Variants in LRRC55 observed in about 807,000 individuals in gnomAD.
LRRC55 encodes leucine rich repeat containing 55, also known as leucine-rich repeat-containing protein 55.
A neutral mutation model predicts 20.5 loss-of-function variants in LRRC55; 11 were observed. The ratio of observed to expected loss-of-function variants is 0.54; its 90% CI spans 0.34 to 0.89. The LOEUF is 0.89. LRRC55 is among the 40% of genes least tolerant of loss of function. The pLI, the probability that LRRC55 is intolerant of heterozygous loss-of-function variation, is 0.02. For missense variants in LRRC55, 358 were observed against 390.9 expected (o/e 0.92, Z 0.71); for synonymous variants, 188 against 166.6 (o/e 1.13, Z -0.99).
rs766587013 is a variant in LRRC55, at chr11:57,182,334, G to T, written c.312G>T (p.Leu104=). 1.9e-6 allele frequency: 3 copies of T among 1,613,912 alleles called. No individual in the cohort carries two copies. The highest frequency in any genetic ancestry group is 2.5e-6 in the Non-Finnish European group (3 of 1,179,918). The change falls in exon 1 of 2, where the codon CTG becomes CTT. Residue 104 remains leucine, a synonymous_variant. Transcript: ENST00000497933. ...TGCACAACAACTCCTTAATGGAGCT[G>T]CCCCGGGGCCTCTTCCTCCATGCCA... ...LDLHNNSLME[L]PRGLFLHAKR... is the part of the protein sequence containing the mutation.
rs989808522 is a variant in LRRC55, at chr11:57,187,806, C to G, written c.*326C>G. 4 of 421,516 alleles carry G rather than the reference C, an allele frequency of 9.5e-6. No individual in the cohort carries two copies. The highest frequency in any genetic ancestry group is 6.4e-4 in the Middle Eastern group (1 of 1,558). The allele number at this position is 421,516 out of a possible 1,614,324, so 26.1% of individuals were successfully genotyped here. ...GGAGGCCCAGAGGAGGAGCCATCAT[C>G]TGTATCTAGCAATGTCCATGAGAAT... On this transcript the variant is annotated 3_prime_UTR_variant, in exon 2 of 2. Transcript: ENST00000497933.
rs1240096389 is a variant in LRRC55, at chr11:57,191,243, G to A, written c.*3763G>A. The A allele has an allele frequency of 1.3e-5, 2 of 152,174 alleles. No individual in the cohort carries two copies. Among genetic ancestry groups the A allele is most frequent in the Non-Finnish European group, 2.9e-5 (2 of 68,030 alleles). The allele number at this position is 152,174 out of a possible 1,614,324, so 9.4% of individuals were successfully genotyped here. A position where few individuals can be genotyped will look rare whatever the true frequency, so the allele number is the denominator to read the frequency against. On this transcript the variant is annotated 3_prime_UTR_variant, in exon 2 of 2. Coordinates refer to ENST00000497933, the MANE Select transcript of LRRC55 (RefSeq NM_001005210.4). ...GCTCCTTTCGAGGAGGGACATGTATGAAATTTGAACAGATCAAGACAGGTG... is the reference window on the plus strand; with the variant it reads ...GCTCCTTTCGAGGAGGGACATGTATAAAATTTGAACAGATCAAGACAGGTG...
At chr11:57,182,828 G>A (rs1010322104) in intron 1 of LRRC55, 145 bp downstream of exon 1, 18 of 803,096 alleles carry the variant, frequency 2.2e-5, no homozygotes, top group African/African-American at 7.0e-5. Flanking sequence ...ACACCAGCTC[G>A]GCCAACAGGT....
intron 1 of LRRC55, among the ~76,000 whole-genome samples, chr11:57,184,363 C>T (rs1377903375): frequency 6.6e-6 from 1 of 152,178 alleles, no homozygotes; most frequent in Non-Finnish European, 1.5e-5. Context: ...AGACTCCCAG[C>T]GAGCAGGAGA....
In LRRC55 at chr11:57,182,186, G is replaced by T; in HGVS notation, c.164G>T (p.Arg55Leu). The T allele has an allele frequency of 6.2e-7, 1 of 1,614,140 alleles. No individual in the cohort carries two copies. The highest frequency in any genetic ancestry group is 8.5e-7 in the Non-Finnish European group (1 of 1,180,022). The change falls in exon 1 of 2, where the codon CGG becomes CTG. Residue 55 changes from arginine (R) to leucine (L), a missense_variant. By Grantham distance (102) the Arg-to-Leu change is moderately radical. This residue lies in a region of LRRC55 where 175 missense variants were observed against 164.5 expected (regional missense o/e 1.06). Coordinates refer to ENST00000497933, the MANE Select transcript of LRRC55 (RefSeq NM_001005210.4). ...CAGGTGGTGGATTGTAGCAGCCAGC[G>T]GCTATTCTCCGTGCCCCCAGACCTG... ...RNQVVDCSSQRLFSVPPDLPM... is the reference protein window; with the variant it reads ...RNQVVDCSSQLLFSVPPDLPM...
intron 1 of LRRC55, among the ~76,000 whole-genome samples, chr11:57,185,900 C>G (rs545847124): frequency 6.6e-6 from 1 of 152,068 alleles, no homozygotes; most frequent in Non-Finnish European, 1.5e-5. Flanking sequence ...AAGCAGCCCC[C>G]TCCTACAGAA....
chr11:57,184,991 CG>C (rs1854411636), intron 1 of LRRC55, among the ~76,000 whole-genome samples: 1 of 152,138 alleles, frequency 6.6e-6, no homozygotes, highest in African/African-American at 2.4e-5. Flanking sequence ...CTGGGCAGGA[CG>C]GGGGTCCTGT....
Position 57,188,926 on chromosome 11 carries a change from G to A in LRRC55, c.*1446G>A, listed in dbSNP as rs1489061886. 6.6e-6 allele frequency: 1 copy of A among 152,200 alleles called. No homozygotes were observed. The highest frequency in any genetic ancestry group is 1.5e-5 in the Non-Finnish European group (1 of 68,038). The allele number at this position is 152,200 out of a possible 1,614,324, so 9.4% of individuals were successfully genotyped here. The stretch of plus-strand genomic sequence containing the variant: ...TAGAGAGTTGAGTGACTTACCCAAG[G>A]TTGTCTGGATAAGCCCTAGAAGGAA... On this transcript the variant is annotated 3_prime_UTR_variant, in exon 2 of 2. Transcript: ENST00000497933.
chr11:57,187,508 G>A lies in LRRC55; in HGVS notation c.*28G>A. ...TGCCTGCCTCTCATCCCTCCATGCT[G>A]CTGACCGCCACAGCTGCTGGCCACC... On this transcript the variant is annotated 3_prime_UTR_variant, in exon 2 of 2. Coordinates refer to ENST00000497933, the MANE Select transcript of LRRC55 (RefSeq NM_001005210.4). 1 of 1,595,734 alleles carries A rather than the reference G, an allele frequency of 6.3e-7. No individual in the cohort carries two copies. The highest frequency in any genetic ancestry group is 8.6e-7 in the Non-Finnish European group (1 of 1,168,738).
intron 1 of LRRC55, among the ~76,000 whole-genome samples, 198 bp from the exon 2 acceptor site, chr11:57,187,047 C>T (rs894107149): frequency 2.0e-5 from 3 of 152,210 alleles, no homozygotes; most frequent in African/African-American, 4.8e-5. Flanking sequence ...CAGTACTTTC[C>T]ACATCTATAG....
chr11:57,182,667 C>A lies in LRRC55; in HGVS notation c.645C>A (p.Ile215=). The A allele has an allele frequency of 6.6e-6, 10 of 1,513,806 alleles. No individual in the cohort carries two copies. In the South Asian group the frequency reaches 1.1e-4, roughly 16 times the overall value. 93.8% of individuals were successfully genotyped at this position (1,513,806 alleles called of 1,614,324 possible). ...EPLLKWLRNR[I]QRCTADSQLA... is the part of the protein sequence containing the mutation. ...TGCTGAAGTGGCTGCGAAACCGGAT[C>A]CAGCGCTGTACAGCAGGTAATAGAG... Residue 215 remains isoleucine, a synonymous_variant, in exon 1 of 2, where the codon ATC becomes ATA. Transcript: ENST00000497933.
In LRRC55 at chr11:57,182,666, T is replaced by G; in HGVS notation, c.644T>G (p.Ile215Ser). The G allele has an allele frequency of 7.3e-6, 11 of 1,513,530 alleles. No individual in the cohort carries two copies. The highest frequency in any genetic ancestry group is 9.7e-6 in the Non-Finnish European group (11 of 1,131,332). The allele number at this position is 1,513,530 out of a possible 1,614,324, so 93.8% of individuals were successfully genotyped here. The change falls in exon 1 of 2, where the codon ATC becomes AGC. Residue 215 changes from isoleucine to serine, a missense_variant. Physicochemically the swap from Ile to Ser is moderately radical, Grantham distance 142. Transcript: ENST00000497933. ...CTGCTGAAGTGGCTGCGAAACCGGA[T>G]CCAGCGCTGTACAGCAGGTAATAGA... The part of the protein sequence containing the change: ...EPLLKWLRNR[I>S]QRCTADSQLA...
intron 1 of LRRC55, 130 bp from the exon 2 acceptor site, chr11:57,187,115 A>G: frequency 1.2e-6 from 1 of 807,242 alleles, no homozygotes; most frequent in East Asian, 2.5e-5. Flanking sequence ...GGAGTTAAGT[A>G]GAATTCTTGG....
chr11:57,187,336 G>C lies in LRRC55; in HGVS notation c.753G>C (p.Leu251=). ...AGGAGAGCTTCAAGGCCTGCCACCT[G>C]ACCCTGACCCTGGATGATTACCTAT... ...LTEESFKACH[L]TLTLDDYLFI... Residue 251 remains leucine, a synonymous_variant, in exon 2 of 2, where the codon CTG becomes CTC. Coordinates refer to ENST00000497933, the MANE Select transcript of LRRC55 (RefSeq NM_001005210.4). 1.9e-6 allele frequency: 3 copies of C among 1,614,190 alleles called. No homozygotes were observed. Among genetic ancestry groups the C allele is most frequent in the Non-Finnish European group, 1.7e-6 (2 of 1,180,032 alleles).
Position 57,182,446 on chromosome 11 carries a change from A to G in LRRC55, c.424A>G (p.Ile142Val), listed in dbSNP as rs760567091. Residue 142 changes from isoleucine (I) to valine (V), a missense_variant, in exon 1 of 2, where the codon ATC becomes GTC. This residue lies in a region of LRRC55 where 178 missense variants were observed against 207.9 expected (regional missense o/e 0.86). Coordinates refer to ENST00000497933, the MANE Select transcript of LRRC55 (RefSeq NM_001005210.4). ...CCAGGAGGCCCATGGGCTAGTCCAC[A>G]TCGACCTGAGCCACAACCCCTGGCT... is the stretch of plus-strand genomic sequence containing the variant. ...MFQEAHGLVH[I>V]DLSHNPWLRR... 23 of 1,611,936 alleles carry G rather than the reference A, an allele frequency of 1.4e-5. No homozygotes were observed. Among genetic ancestry groups the G allele is most frequent in the East Asian group, 2.2e-5 (1 of 44,886 alleles).
intron 1 of LRRC55, among the ~76,000 whole-genome samples, chr11:57,184,784 G>A (rs566831062): frequency 5.0e-4 from 76 of 152,282 alleles, no homozygotes; most frequent in Non-Finnish European, 5.9e-4. Context: ...CAGCCTCCAC[G>A]TTCCCACCCT....
Position 57,182,822 on chromosome 11 carries a change from C to G in LRRC55, c.661+139C>G, listed in dbSNP as rs1209618877. 4.7e-6 allele frequency: 4 copies of G among 842,374 alleles called. No homozygotes were observed. The African/African-American group carries it at 6.9e-5, about 15-fold the overall frequency. The allele number at this position is 842,374 out of a possible 1,614,324, so 52.2% of individuals were successfully genotyped here. The stretch of plus-strand genomic sequence containing the variant: ...AATGTGGGCTTGCCTCTTTGTACAC[C>G]AGCTCGGCCAACAGGTTGTTTGTAG... On this transcript the variant is annotated intron_variant, in intron 1 of 1. Coordinates refer to ENST00000497933, the MANE Select transcript of LRRC55 (RefSeq NM_001005210.4).
Position 57,188,311 on chromosome 11 carries a change from A to G in LRRC55, c.*831A>G, listed in dbSNP as rs1162053790. On this transcript the variant is annotated 3_prime_UTR_variant, in exon 2 of 2. Transcript: ENST00000497933. ...GCAGCAAGAGTCCTGGCACCTTGGG[A>G]TCCTAATCATGTGACTGTTCTTGCC... 6.6e-6 allele frequency: 1 copy of G among 152,650 alleles called. No individual in the cohort carries two copies. Among genetic ancestry groups the G allele is most frequent in the Non-Finnish European group, 1.5e-5 (1 of 68,078 alleles). The allele number at this position is 152,650 out of a possible 1,614,324, so 9.5% of individuals were successfully genotyped here.
rs1470417564 is a variant in LRRC55 at position 57,182,646 on chromosome 11, G to A, written c.624G>A (p.Leu208=). ...GTGGCTGCACCATGGAACCCCTGCT[G>A]AAGTGGCTGCGAAACCGGATCCAGC... ...WVCGCTMEPL[L]KWLRNRIQRC... is the part of the protein sequence containing the mutation. Residue 208 remains leucine, a synonymous_variant, in exon 1 of 2, where the codon CTG becomes CTA. Coordinates refer to ENST00000497933, the MANE Select transcript of LRRC55 (RefSeq NM_001005210.4). 2.4e-5 allele frequency: 37 copies of A among 1,515,360 alleles called. No homozygotes were observed. The highest frequency in any genetic ancestry group is 3.1e-5 in the Non-Finnish European group (35 of 1,132,410). The allele number at this position is 1,515,360 out of a possible 1,614,324, so 93.9% of individuals were successfully genotyped here.
Sources: allele counts gnomAD v4.1 joint callset (sites outside exome capture counted in the v4.1 genomes callset), GRCh38; gene constraint gnomAD v4.1.1; regional missense constraint gnomAD v4.1.1; transcripts MANE v1.5; gene names NCBI Gene and HGNC (gene_info 2026-07-23, HGNC 2026-07-21).